The following SLC30A4 variants were observed in gnomAD, a reference collection of about 807,000 sequenced individuals.
The protein encoded by SLC30A4 is probable proton-coupled zinc antiporter SLC30A4.
In SLC30A4, 20 loss-of-function variants were observed where a neutral mutation model predicts 41.7. The observed-to-expected ratio is 0.48, with a 90% CI of 0.34 to 0.70. The LOEUF (loss-of-function observed/expected upper bound fraction) is 0.70, where lower values mean the gene tolerates loss of function less well. SLC30A4 is among the 30% of genes least tolerant of loss of function. The pLI, the probability that SLC30A4 is intolerant of heterozygous loss-of-function variation, is 0.01. For synonymous variants in SLC30A4, 181 were observed against 195.9 expected, an observed-to-expected ratio of 0.92 and a Z score of 0.64; for missense variants, 441 against 529.3, an observed-to-expected ratio of 0.83 and a Z score of 1.64.
chr15:45,483,872 C>CAA lies in SLC30A4; in HGVS notation c.*1289_*1290dup, dbSNP rs1041871205. 1.3e-5 allele frequency: 2 copies of CAA among 152,108 alleles called. No homozygotes were observed. The highest frequency in any genetic ancestry group is 4.8e-5 in the African/African-American group (2 of 41,382). 9.4% of individuals were successfully genotyped at this position (152,108 alleles called of 1,614,324 possible). ...TGACAGAGTGAGACTCTCTCAAGAA[C>CAA]AAAAACAAAAACAAAACCACACACA... On this transcript the variant is annotated 3_prime_UTR_variant, in exon 8 of 8. Transcript: ENST00000261867.
chr15:45,509,248 CTT>C (rs879266404), intron 3 of SLC30A4, among the ~76,000 whole-genome samples: 41 of 133,210 alleles, frequency 3.1e-4, no homozygotes, highest in Non-Finnish European at 1.6e-4. Context: ...GGAACACATT[CTT>C]TTTTTTTTTT....
At position 45,490,947 on chromosome 15, in the gene SLC30A4, A is replaced by G. The variant is rs986177473; in HGVS notation, c.539-66T>C. ...GGTTACTACACTTCATACCAACTAA[A>G]TATTATATAGTCTTTTTTATATTCT... is the stretch of plus-strand genomic sequence containing the variant. On this transcript the variant is annotated intron_variant, in intron 3 of 7. Transcript: ENST00000261867. 22 of 1,035,408 alleles carry G rather than the reference A, an allele frequency of 2.1e-5. No homozygotes were observed. The African/African-American group carries it at 3.0e-4, about 14-fold the overall frequency. 64.1% of individuals were successfully genotyped at this position (1,035,408 alleles called of 1,614,324 possible).
rs1396813426 is a variant in SLC30A4 at position 45,481,462 on chromosome 15, C to T, written c.*3701G>A. 6.6e-6 allele frequency: 1 copy of T among 152,216 alleles called. No homozygotes were observed. The highest frequency in any genetic ancestry group is 1.5e-5 in the Non-Finnish European group (1 of 68,040). 9.4% of individuals were successfully genotyped at this position (152,216 alleles called of 1,614,324 possible). On this transcript the variant is annotated 3_prime_UTR_variant, in exon 8 of 8. Coordinates refer to ENST00000261867, the MANE Select transcript of SLC30A4 (RefSeq NM_013309.6). ...GTTGCATCTGGCCATAGTTGTGAAA[C>T]ACACGTTTATGTACACAAGTAACTC...
rs769534643 is a variant in SLC30A4, at chr15:45,511,271, T to C, written c.405A>G (p.Ala135=). 1 of 1,605,354 alleles carries C rather than the reference T, an allele frequency of 6.2e-7. No individual in the cohort carries two copies. Among genetic ancestry groups the C allele is most frequent in the Admixed American group, 1.7e-5 (1 of 58,864 alleles). The part of the protein sequence containing the change: ...MIGELVGGYI[A]NSLAIMTDAL... Reference sequence around the variant, plus strand: ...CATCTGTCATGATTGCTAGGCTATTTGCAATGTATCCACCTTAGAGTTACA... The same window carrying C: ...CATCTGTCATGATTGCTAGGCTATTCGCAATGTATCCACCTTAGAGTTACA... The change falls in exon 3 of 8, where the codon GCA becomes GCG. Residue 135 remains alanine (A), a synonymous_variant. Transcript: ENST00000261867.
At chr15:45,521,790 G>A in intron 2 of SLC30A4, 174 bp downstream of exon 2, 1 of 610,064 alleles carries the variant, frequency 1.6e-6, no homozygotes, top group African/African-American at 1.8e-5. Context: ...AGTTTATATT[G>A]TACTTAGATT....
At chr15:45,503,553 T>C (rs1376193697) in intron 3 of SLC30A4, among the ~76,000 whole-genome samples, 1 of 151,820 alleles carries the variant, frequency 6.6e-6, no homozygotes, top group African/African-American at 2.4e-5. Flanking sequence ...GAGGGGCAGG[T>C]TGCAGTGAGC....
intron 3 of SLC30A4, among the ~76,000 whole-genome samples, chr15:45,494,185 A>C (rs2140821340): frequency 6.6e-6 from 1 of 152,316 alleles, no homozygotes; most frequent in South Asian, 2.1e-4. Flanking sequence ...TTTTAGAATG[A>C]AATTAGTCAA....
At position 45,522,622 on chromosome 15, in the gene SLC30A4, G is replaced by T. The variant is rs1238368484; in HGVS notation, c.-130C>A. 3 of 322,706 alleles carry T rather than the reference G, an allele frequency of 9.3e-6. No individual in the cohort carries two copies. The highest frequency in any genetic ancestry group is 4.9e-5 in the Admixed American group (1 of 20,376). 20.0% of individuals were successfully genotyped at this position (322,706 alleles called of 1,614,324 possible). ...TATTTAATACCTGGGGCGCTGCCGC[G>T]GGGCCGCAACTCATCTCCCCGCCCC... On this transcript the variant is annotated 5_prime_UTR_variant, in exon 1 of 8. Transcript: ENST00000261867.
At position 45,522,215 on chromosome 15, in the gene SLC30A4, C is replaced by A. The variant is rs1485121208; in HGVS notation, c.140G>T (p.Arg47Leu). 1.7e-5 allele frequency: 28 copies of A among 1,614,114 alleles called. No individual in the cohort carries two copies. Among genetic ancestry groups the A allele is most frequent in the Non-Finnish European group, 2.4e-5 (28 of 1,180,054 alleles). ...DEGLSRFNKL[R>L]VVVADDGSEA... The stretch of plus-strand genomic sequence containing the variant: ...GGAACCGTCATCGGCCACCACAACT[C>A]GAAGTTTGTTGAACCGAGAAAGCCC... The change falls in exon 2 of 8, where the codon CGA becomes CTA. Residue 47 changes from arginine (R) to leucine (L), a missense_variant. Arg to Leu is a moderately radical substitution (Grantham distance 102, BLOSUM62 -2). Coordinates refer to ENST00000261867, the MANE Select transcript of SLC30A4 (RefSeq NM_013309.6).
At position 45,484,479 on chromosome 15, in the gene SLC30A4, G is replaced by A. The variant is rs1036645456; in HGVS notation, c.*684C>T. ...ATTTCCTAAATCATTTAATAACAGT[G>A]ACCACAATAAATAAAGATTTGGTTC... is the stretch of plus-strand genomic sequence containing the variant. On this transcript the variant is annotated 3_prime_UTR_variant, in exon 8 of 8. Transcript: ENST00000261867. 4 of 152,060 alleles carry A rather than the reference G, an allele frequency of 2.6e-5. No individual in the cohort carries two copies. Among genetic ancestry groups the A allele is most frequent in the Non-Finnish European group, 5.9e-5 (4 of 68,008 alleles). 9.4% of individuals were successfully genotyped at this position (152,060 alleles called of 1,614,324 possible). A position where few individuals can be genotyped will look rare whatever the true frequency, so the allele number is the denominator to read the frequency against.
chr15:45,518,217 T>G (rs1892550620), intron 2 of SLC30A4, among the ~76,000 whole-genome samples: 1 of 152,236 alleles, frequency 6.6e-6, no homozygotes, highest in African/African-American at 2.4e-5. Flanking sequence ...TATTCTTTTT[T>G]TTTTGGCTTA....
rs566569218 is a variant in SLC30A4, at chr15:45,483,018, G to A, written c.*2145C>T. The stretch of plus-strand genomic sequence containing the variant: ...AGGCTGGTCATGAACTCTTGGCCTC[G>A]AGGGATACTTCCACCTTTGCCTCCC... On this transcript the variant is annotated 3_prime_UTR_variant, in exon 8 of 8. Coordinates refer to ENST00000261867, the MANE Select transcript of SLC30A4 (RefSeq NM_013309.6). 3.3e-5 allele frequency: 5 copies of A among 152,140 alleles called. No individual in the cohort carries two copies. In the South Asian group the frequency reaches 6.2e-4, roughly 19 times the overall value. The allele number at this position is 152,140 out of a possible 1,614,324, so 9.4% of individuals were successfully genotyped here.
intron 3 of SLC30A4, among the ~76,000 whole-genome samples, chr15:45,503,218 G>A (rs1369854491): frequency 8.6e-5 from 13 of 151,800 alleles, no homozygotes; most frequent in Non-Finnish European, 1.3e-4. Context: ...GAGAAGCAAA[G>A]GCACAGTAAA....
In SLC30A4 at chr15:45,514,322, T is replaced by C. The variant is rs556662103; in HGVS notation, c.392-3038A>G. Among the ~76,000 whole-genome samples, 55 of 148,812 alleles carry C rather than the reference T, an allele frequency of 3.7e-4. No individual in the cohort carries two copies. The South Asian group carries it at 0.01, about 28-fold the overall frequency. ...GTTGTGGTGAGCTGAGATTGCGCCA[T>C]TGTACTCCAGCCTGGGCAACAAGAG... On this transcript the variant is annotated intron_variant, in intron 2 of 7. Coordinates refer to ENST00000261867, the MANE Select transcript of SLC30A4 (RefSeq NM_013309.6).
At position 45,479,895 on chromosome 15, in the gene SLC30A4, T is replaced by A. The variant is rs1225989166; in HGVS notation, c.*5268A>T. 6.6e-6 allele frequency: 1 copy of A among 151,914 alleles called. No individual in the cohort carries two copies. Among genetic ancestry groups the A allele is most frequent in the East Asian group, 1.9e-4 (1 of 5,196 alleles). 9.4% of individuals were successfully genotyped at this position (151,914 alleles called of 1,614,324 possible). On this transcript the variant is annotated 3_prime_UTR_variant, in exon 8 of 8. Transcript: ENST00000261867. ...TTAATTAACATGGACAAACCCCAGC[T>A]TCAAAATCTTTCTAAAATCAATCAT...
At position 45,520,414 on chromosome 15, in the gene SLC30A4, C is replaced by A. The variant is rs144882357; in HGVS notation, c.391+1550G>T. Reference sequence around the variant, plus strand: ...CCTCCCAAGTAGCTGGGATTACAGGCGCCCACCACAACGTCCGGCTAATTT... The same window carrying A: ...CCTCCCAAGTAGCTGGGATTACAGGAGCCCACCACAACGTCCGGCTAATTT... On this transcript the variant is annotated intron_variant, in intron 2 of 7. Transcript: ENST00000261867. Among the ~76,000 whole-genome samples the A allele has an allele frequency of 2.8e-3, 424 of 152,092 alleles. 1 individual carries two copies. The highest frequency in any genetic ancestry group is 9.7e-3 in the African/African-American group (404 of 41,504).
intron 3 of SLC30A4, among the ~76,000 whole-genome samples, chr15:45,499,684 G>A (rs1399159548): frequency 1.3e-5 from 2 of 152,088 alleles, no homozygotes; most frequent in Admixed American, 1.3e-4. Context: ...CTACAGTGTG[G>A]TTTCATTACA....
intron 5 of SLC30A4, among the ~76,000 whole-genome samples, chr15:45,488,429 T>G (rs1195517698): frequency 6.6e-6 from 1 of 152,082 alleles, no homozygotes; most frequent in Non-Finnish European, 1.5e-5. Context: ...AAAAATTAGC[T>G]GGGCATGGTG....
chr15:45,522,399 G>C lies in SLC30A4; in HGVS notation c.-45C>G. The C allele has an allele frequency of 6.6e-7, 1 of 1,526,168 alleles. No homozygotes were observed. The allele number at this position is 1,526,168 out of a possible 1,614,324, so 94.5% of individuals were successfully genotyped here. A position where few individuals can be genotyped will look rare whatever the true frequency, so the allele number is the denominator to read the frequency against. On this transcript the variant is annotated 5_prime_UTR_variant, in exon 2 of 8. Coordinates refer to ENST00000261867, the MANE Select transcript of SLC30A4 (RefSeq NM_013309.6). ...CGGTGCGGAACGGCTTGGGGGAGGC[G>C]GACGGCCGGCGGCGCCTACTTCACC...
Sources: gnomAD v4.1 joint callset for allele counts (sites outside exome capture counted in the v4.1 genomes callset) on GRCh38, gnomAD v4.1.1 for gene constraint, MANE v1.5 for transcripts, NCBI Gene and HGNC (gene_info 2026-07-23, HGNC 2026-07-21) for gene names.